The following AGMO variants were observed in gnomAD, a reference collection of about 807,000 sequenced individuals.
The protein encoded by AGMO is alkylglycerol monooxygenase, also known as glyceryl-ether monooxygenase.
AGMO carries 75 observed loss-of-function variants against 60.2 expected under a neutral mutation model. The observed-to-expected ratio is 1.25, with a 90% CI of 1.03 to 1.51. The LOEUF is 1.51. AGMO is among the 40% of genes most tolerant of loss of function. The pLI is 0.00. For missense variants in AGMO, 763 were observed against 525.5 expected, an observed-to-expected ratio of 1.45 and a Z score of -4.42; for synonymous variants, 261 against 177.1, an observed-to-expected ratio of 1.47 and a Z score of -3.76.
chr7:15,501,121 G>C (rs1275437598), intron 3 of AGMO, among the ~76,000 whole-genome samples: 5 of 151,848 alleles, frequency 3.3e-5, no homozygotes, highest in African/African-American at 1.2e-4. Context: ...TGATTTTTGA[G>C]TATGTGCCAT....
chr7:15,544,388 CA>C (rs1200686603), intron 3 of AGMO, among the ~76,000 whole-genome samples: 1 of 151,872 alleles, frequency 6.6e-6, no homozygotes, highest in Non-Finnish European at 1.5e-5. Context: ...TAAACACAAA[CA>C]AAAAAACCTT....
the AGMO span, among the ~76,000 whole-genome samples, chr7:15,190,532 G>C: frequency 6.6e-6 from 1 of 151,924 alleles, no homozygotes; most frequent in African/African-American, 2.4e-5. Flanking sequence ...CATTAGAAAG[G>C]GCAGGATGTC....
At chr7:15,561,646 C>G (rs566229715) in intron 1 of AGMO, 74 bp downstream of exon 1, 2 of 1,377,334 alleles carry the variant, frequency 1.5e-6, no homozygotes, top group African/African-American at 3.0e-5. Context: ...TGAACAAAAC[C>G]CTAAGGAGAT....
chr7:15,438,516 G>A (rs1781460713), intron 3 of AGMO, among the ~76,000 whole-genome samples: 1 of 152,030 alleles, frequency 6.6e-6, no homozygotes, highest in Non-Finnish European at 1.5e-5. Context: ...ATATTTTCTA[G>A]CCCCTTACCA....
At chr7:15,367,169 C>G (rs1342884472) in intron 10 of AGMO, among the ~76,000 whole-genome samples, 1 of 151,654 alleles carries the variant, frequency 6.6e-6, no homozygotes, top group Non-Finnish European at 1.5e-5. Flanking sequence ...GTCTTTTGTA[C>G]TTTTCTTTAG....
Position 15,252,939 on chromosome 7 carries a change from T to C in AGMO, c.1264-51580A>G, listed in dbSNP as rs186148270. Among the ~76,000 whole-genome samples the C allele has an allele frequency of 2.0e-5, 3 of 152,316 alleles. No homozygotes were observed. The East Asian group carries it at 5.8e-4, about 29-fold the overall frequency. On this transcript the variant is annotated intron_variant, in intron 12 of 12. Coordinates refer to ENST00000342526, the MANE Select transcript of AGMO (RefSeq NM_001004320.2). ...TCCAGAAAGAGGATGTGATCCACTA[T>C]GTCAAATGCTGGTAAAAGATAAAAT...
chr7:15,414,229 G>C (rs1292426797), intron 5 of AGMO, among the ~76,000 whole-genome samples: 5 of 151,920 alleles, frequency 3.3e-5, no homozygotes, highest in African/African-American at 9.7e-5. Flanking sequence ...TCGATCTCCT[G>C]ACCTCATGAT....
intron 9 of AGMO, among the ~76,000 whole-genome samples, chr7:15,386,114 G>A (rs532669608): frequency 5.1e-4 from 77 of 152,144 alleles, no homozygotes; most frequent in South Asian, 1.5e-3. Context: ...CTGGTAGGCA[G>A]AGGCTGCAGT....
intron 12 of AGMO, among the ~76,000 whole-genome samples, chr7:15,332,605 T>C (rs921144225): frequency 5.9e-5 from 9 of 152,120 alleles, no homozygotes. Context: ...TGTATGACCC[T>C]TGGCAAGTAA....
the AGMO span, among the ~76,000 whole-genome samples, chr7:15,126,122 T>C: frequency 6.6e-6 from 1 of 152,114 alleles, no homozygotes; most frequent in Non-Finnish European, 1.5e-5. Flanking sequence ...ACACATAGCA[T>C]AATAGAAACT....
At chr7:15,549,190 C>T (rs1434483472) in intron 2 of AGMO, among the ~76,000 whole-genome samples, 79 of 143,480 alleles carry the variant, frequency 5.5e-4, no homozygotes, top group Non-Finnish European at 9.2e-4. Flanking sequence ...AAGGAACAAC[C>T]GGTACCAGCC....
chr7:15,266,400 G>GT (rs1554403712), intron 12 of AGMO, among the ~76,000 whole-genome samples: 157 of 148,114 alleles, frequency 1.1e-3, no homozygotes, highest in Non-Finnish European at 1.8e-3. Context: ...AATGGAAAAA[G>GT]CAAAAAAAAG....
intron 12 of AGMO, among the ~76,000 whole-genome samples, chr7:15,323,410 T>G (rs1449495354): frequency 6.6e-6 from 1 of 152,260 alleles, no homozygotes; most frequent in South Asian, 2.1e-4. Context: ...TCCCATCACC[T>G]TCCTTTCAAG....
At chr7:15,374,614 G>C (rs1050819734) in intron 10 of AGMO, among the ~76,000 whole-genome samples, 1 of 148,696 alleles carries the variant, frequency 6.7e-6, no homozygotes, top group Non-Finnish European at 1.5e-5. Context: ...CAATATATCT[G>C]AAATGATTGT....
intron 12 of AGMO, among the ~76,000 whole-genome samples, chr7:15,232,916 TA>T (rs1431676991): frequency 2.0e-5 from 3 of 150,982 alleles, no homozygotes; most frequent in African/African-American, 2.4e-5. Context: ...GAATTTAGGG[TA>T]AAAGAGGGAG....
At chr7:15,307,305 C>G (rs1215708014) in intron 12 of AGMO, among the ~76,000 whole-genome samples, 2 of 151,854 alleles carry the variant, frequency 1.3e-5, no homozygotes, top group Admixed American at 6.6e-5. Flanking sequence ...TGGAAGAAAC[C>G]TTGAATCACC....
At chr7:15,139,154 C>T in the AGMO span, among the ~76,000 whole-genome samples, 2 of 152,114 alleles carry the variant, frequency 1.3e-5, no homozygotes, top group African/African-American at 4.8e-5. Flanking sequence ...ATATGTAACT[C>T]CAGGTAACAT....
intron 12 of AGMO, among the ~76,000 whole-genome samples, chr7:15,225,760 T>C (rs538539933): frequency 1.3e-5 from 2 of 152,134 alleles, no homozygotes; most frequent in Non-Finnish European, 2.9e-5. Flanking sequence ...AATATATCTT[T>C]GTTCATAAAA....
At chr7:15,433,197 G>A (rs1472639050) in intron 3 of AGMO, among the ~76,000 whole-genome samples, 1 of 152,074 alleles carries the variant, frequency 6.6e-6, no homozygotes, top group Non-Finnish European at 1.5e-5. Context: ...GGTTCCATTA[G>A]AGAGTCATAA....
Sources: allele counts gnomAD v4.1 joint callset (sites outside exome capture counted in the v4.1 genomes callset), GRCh38; gene constraint gnomAD v4.1.1; transcripts MANE v1.5; gene names NCBI Gene and HGNC (gene_info 2026-07-23, HGNC 2026-07-21).